The following CPNE4 variants were observed in gnomAD, a reference collection of about 807,000 sequenced individuals.
CPNE4 encodes the protein copine-4.
Under a neutral mutation model 67.9 loss-of-function variants are expected in CPNE4, and 25 were observed. The ratio of observed to expected loss-of-function variants is 0.37; its 90% CI spans 0.27 to 0.51. The LOEUF (loss-of-function observed/expected upper bound fraction) is 0.51. Ranked by LOEUF, CPNE4 falls within the 20% of genes least tolerant of loss-of-function variation. CPNE4 has a pLI of 0.93. For missense variants in CPNE4, 464 were observed against 690.8 expected, an observed-to-expected ratio of 0.67 and a Z score of 3.68; for synonymous variants, 242 against 244.9, an observed-to-expected ratio of 0.99 and a Z score of 0.11.
At chr3:131,770,001 A>AT (rs2083124566) in intron 2 of CPNE4, among the ~76,000 whole-genome samples, 1 of 152,138 alleles carries the variant, frequency 6.6e-6, no homozygotes, top group African/African-American at 2.4e-5. Flanking sequence ...TTCTTGATGC[A>AT]TTCACTTCAG....
At chr3:131,647,035 C>T (rs923583046) in intron 7 of CPNE4, among the ~76,000 whole-genome samples, 3 of 152,196 alleles carry the variant, frequency 2.0e-5, no homozygotes, top group Non-Finnish European at 4.4e-5. Flanking sequence ...GTGCCTGCAG[C>T]TGTCTTATAG....
At chr3:131,853,114 G>A (rs2086300678) in intron 2 of CPNE4, among the ~76,000 whole-genome samples, 1 of 151,718 alleles carries the variant, frequency 6.6e-6, no homozygotes, top group South Asian at 2.1e-4. Flanking sequence ...ATCTGTAAGA[G>A]CCAAAGCAAT....
At position 131,534,670 on chromosome 3, in the gene CPNE4, A is replaced by G. The variant is rs1459874662; in HGVS notation, c.*525T>C. 3.9e-5 allele frequency: 6 copies of G among 152,324 alleles called. No individual in the cohort carries two copies. The highest frequency in any genetic ancestry group is 1.4e-4 in the African/African-American group (6 of 41,448). The allele number at this position is 152,324 out of a possible 1,614,324, so 9.4% of individuals were successfully genotyped here. On this transcript the variant is annotated 3_prime_UTR_variant, in exon 16 of 16. Transcript: ENST00000429747. ...AATAAACCTCTTCTTTAGTAGAGAGACCATTCTCAGCAGGGAGGAATTAGA... is the reference window on the plus strand; with the variant it reads ...AATAAACCTCTTCTTTAGTAGAGAGGCCATTCTCAGCAGGGAGGAATTAGA...
At chr3:131,964,945 A>T (rs1231704592) in intron 1 of CPNE4, among the ~76,000 whole-genome samples, 1 of 152,160 alleles carries the variant, frequency 6.6e-6, no homozygotes, top group Admixed American at 6.5e-5. Flanking sequence ...GGTTGAAATG[A>T]AGGAAAAAAT....
intron 2 of CPNE4, among the ~76,000 whole-genome samples, chr3:131,725,109 T>C (rs2081972573): frequency 1.3e-5 from 2 of 152,244 alleles, no homozygotes; most frequent in Admixed American, 6.5e-5. Context: ...GAAAAGCATT[T>C]ATCTCACTTT....
chr3:131,792,617 A>ATATACACG (rs1560320817), intron 2 of CPNE4, among the ~76,000 whole-genome samples: 1 of 99,156 alleles, frequency 1.0e-5, no homozygotes, highest in African/African-American at 4.1e-5. Flanking sequence ...GTGTGTATAT[A>ATATACACG]TGTATATATA....
intron 2 of CPNE4, among the ~76,000 whole-genome samples, chr3:131,724,345 A>G (rs2081955151): frequency 6.6e-6 from 1 of 152,212 alleles, no homozygotes; most frequent in Non-Finnish European, 1.5e-5. Flanking sequence ...AAATTAGATT[A>G]GAGGTTGAAA....
intron 7 of CPNE4, among the ~76,000 whole-genome samples, chr3:131,642,546 G>A (rs1582943811): frequency 6.6e-6 from 1 of 152,110 alleles, no homozygotes; most frequent in Admixed American, 6.5e-5. Context: ...GATATGGTTT[G>A]GCAGTTTCCC....
At chr3:131,598,295 GCT>G (rs1236834385) in intron 7 of CPNE4, among the ~76,000 whole-genome samples, 2 of 152,142 alleles carry the variant, frequency 1.3e-5, no homozygotes, top group Non-Finnish European at 2.9e-5. Context: ...TGGAATGAAT[GCT>G]CTCTGAGATC....
intron 1 of CPNE4, among the ~76,000 whole-genome samples, chr3:132,011,140 T>C (rs2073751936): frequency 6.6e-6 from 1 of 152,188 alleles, no homozygotes; most frequent in Non-Finnish European, 1.5e-5. Context: ...AAAGTCACCC[T>C]ACATGGATGG....
At chr3:131,890,664 A>G (rs1446048738) in intron 2 of CPNE4, among the ~76,000 whole-genome samples, 2 of 152,188 alleles carry the variant, frequency 1.3e-5, no homozygotes, top group African/African-American at 2.4e-5. Flanking sequence ...TTGCAACATT[A>G]TTCACAATAG....
At chr3:131,685,792 A>ACG (rs1357615498) in intron 6 of CPNE4, 83 bp downstream of exon 6, 3 of 912,404 alleles carry the variant, frequency 3.3e-6, no homozygotes, top group Non-Finnish European at 5.2e-6. Context: ...ACACACACAC[A>ACG]CACACAAAAA....
Position 131,782,710 on chromosome 3 carries a change from C to T in CPNE4, c.181-59085G>A, listed in dbSNP as rs78292310. Among the ~76,000 whole-genome samples the T allele has an allele frequency of 9.8e-3, 1,494 of 152,136 alleles. 59 individuals are homozygous for T. In the East Asian group the frequency reaches 0.11, roughly 11 times the overall value. The stretch of plus-strand genomic sequence containing the variant: ...GATGATGAATAGAAATGTACATCTA[C>T]CATTTTCTGCAGATGTAGAAAATCG... On this transcript the variant is annotated intron_variant, in intron 2 of 15. Coordinates refer to ENST00000429747, the MANE Select transcript of CPNE4 (RefSeq NM_130808.3).
intron 2 of CPNE4, among the ~76,000 whole-genome samples, chr3:131,828,215 G>T (rs2085239655): frequency 6.6e-6 from 1 of 151,976 alleles, no homozygotes; most frequent in Non-Finnish European, 1.5e-5. Flanking sequence ...TATAATAAAA[G>T]GCACAGATTT....
intron 1 of CPNE4, among the ~76,000 whole-genome samples, chr3:131,927,181 A>T (rs2070918855): frequency 6.6e-6 from 1 of 152,166 alleles, no homozygotes; most frequent in Admixed American, 6.5e-5. Flanking sequence ...AGATTCAAAG[A>T]ATCTTTTTTG....
Position 131,799,908 on chromosome 3 carries a change from GTGTGTGTGTGT to G in CPNE4, c.181-76294_181-76284del, listed in dbSNP as rs1226555472. 9.6e-5 allele frequency among the ~76,000 whole-genome samples: 8 copies of G among 83,034 alleles called. No homozygotes were observed. The East Asian group carries it at 1.4e-3, about 14-fold the overall frequency. 54.5% of individuals were successfully genotyped at this position (83,034 alleles called of 152,430 possible). ...TGGATTGTTTTTTGTTGGTGCGTGT[GTGTGTGTGTGT>G]TGTGTGTGTGTGTGTGTGTGTGTGT... On this transcript the variant is annotated intron_variant, in intron 2 of 15. Transcript: ENST00000429747.
At chr3:131,932,164 A>AC (rs2071082143) in intron 1 of CPNE4, among the ~76,000 whole-genome samples, 4 of 152,316 alleles carry the variant, frequency 2.6e-5, no homozygotes, top group South Asian at 4.1e-4. Flanking sequence ...AGGTCTCCAA[A>AC]CCAAAGGTCA....
chr3:131,693,490 A>G (rs1405304907), intron 5 of CPNE4, among the ~76,000 whole-genome samples: 2 of 152,082 alleles, frequency 1.3e-5, no homozygotes, highest in African/African-American at 4.8e-5. Context: ...ATTTTTGCAA[A>G]CCAATTTAAT....
intron 2 of CPNE4, among the ~76,000 whole-genome samples, chr3:131,809,553 G>A (rs1272639516): frequency 6.6e-6 from 1 of 151,422 alleles, no homozygotes; most frequent in Non-Finnish European, 1.5e-5. Context: ...CAGAAAAAGT[G>A]AGGTCAAAAT....
Sources: allele counts gnomAD v4.1 joint callset (sites outside exome capture counted in the v4.1 genomes callset), GRCh38; gene constraint gnomAD v4.1.1; transcripts MANE v1.5; gene names NCBI Gene and HGNC (gene_info 2026-07-23, HGNC 2026-07-21).